The following POLN variants were observed in gnomAD, a reference collection of about 807,000 sequenced individuals.
POLN encodes DNA polymerase N.
Under a neutral mutation model 113.5 loss-of-function variants are expected in POLN, and 108 were observed. The ratio of observed to expected loss-of-function variants is 0.95; its 90% CI spans 0.81 to 1.12. The LOEUF (loss-of-function observed/expected upper bound fraction) is 1.12, where lower values mean the gene tolerates loss of function less well. Among genes scored for constraint, POLN ranks in the 50% most tolerant of loss-of-function variants. The probability of loss-of-function intolerance (pLI) is 0.00; values close to 1 mark genes in which losing one functional copy is unlikely to be tolerated. For missense variants in POLN, 1,097 were observed against 1,077.1 expected (o/e 1.02, Z -0.26); for synonymous variants, 386 against 391.5 (o/e 0.99, Z 0.17).
chr4:2,080,827 T>G (rs990709318), intron 23 of POLN, 131 bp downstream of exon 23: 34 of 1,559,400 alleles, frequency 2.2e-5, no homozygotes, highest in Non-Finnish European at 2.4e-5. Flanking sequence ...TTCCATGGGC[T>G]GAGAGCCTCA....
At chr4:2,233,818 A>G (rs1734664013) in intron 2 of POLN, among the ~76,000 whole-genome samples, 1 of 152,224 alleles carries the variant, frequency 6.6e-6, no homozygotes. Context: ...CAATTCATAA[A>G]ATGATGGCGT....
At chr4:2,100,701 G>A (rs982134666) in intron 19 of POLN, among the ~76,000 whole-genome samples, 3 of 152,170 alleles carry the variant, frequency 2.0e-5, no homozygotes, top group Admixed American at 1.3e-4. Context: ...GAAGAACAGG[G>A]AAAGGTACAC....
intron 5 of POLN, 130 bp from the exon 6 acceptor site, chr4:2,198,847 T>C: frequency 1.0e-6 from 1 of 956,048 alleles, no homozygotes; most frequent in Non-Finnish European, 1.5e-6. Flanking sequence ...AGTTTTTTAA[T>C]GACAATTGAG....
chr4:2,202,856 T>C (rs1733751851), intron 5 of POLN, among the ~76,000 whole-genome samples: 1 of 151,090 alleles, frequency 6.6e-6, no homozygotes, highest in Admixed American at 6.6e-5. Flanking sequence ...TCTAAAACAA[T>C]TAATAGACCT....
chr4:2,182,437 T>C (rs1287440867), intron 7 of POLN, among the ~76,000 whole-genome samples: 1 of 151,968 alleles, frequency 6.6e-6, no homozygotes, highest in African/African-American at 2.4e-5. Flanking sequence ...TGTCTACAAG[T>C]CAAGGAGTGA....
At chr4:2,148,553 G>C (rs1732207169) in intron 16 of POLN, among the ~76,000 whole-genome samples, 2 of 152,104 alleles carry the variant, frequency 1.3e-5, no homozygotes, top group Non-Finnish European at 2.9e-5. Context: ...TGTAATCCCA[G>C]CTACTCAGGA....
chr4:2,224,525 T>C (rs982715711), intron 3 of POLN, among the ~76,000 whole-genome samples: 2 of 152,204 alleles, frequency 1.3e-5, no homozygotes, highest in African/African-American at 2.4e-5. Context: ...CGTAGTATAG[T>C]ACAGTGTAGT....
intron 2 of POLN, 62 bp from the exon 3 acceptor site, chr4:2,229,305 A>T: frequency 7.5e-7 from 1 of 1,329,230 alleles, no homozygotes; most frequent in Non-Finnish European, 1.0e-6. Context: ...TAAAACAGGA[A>T]ATACAATTAT....
chr4:2,202,133 C>T (rs1031044046), intron 5 of POLN, among the ~76,000 whole-genome samples: 1 of 151,388 alleles, frequency 6.6e-6, no homozygotes, highest in Non-Finnish European at 1.5e-5. Context: ...CAAAACAAAA[C>T]AAAAAAAACA....
chr4:2,101,130 G>A (rs947298946), intron 19 of POLN, among the ~76,000 whole-genome samples: 1 of 151,592 alleles, frequency 6.6e-6, no homozygotes, highest in African/African-American at 2.4e-5. Context: ...GGTCCAGATT[G>A]AGTACATGCC....
At chr4:2,229,470 T>C (rs1204113497) in intron 2 of POLN, 6 of 340,386 alleles carry the variant, frequency 1.8e-5, no homozygotes, top group East Asian at 1.6e-4. Flanking sequence ...ACTTATTTTC[T>C]AGGTGACCAA....
At chr4:2,078,982 T>G in intron 23 of POLN, 1 of 941,854 alleles carries the variant, frequency 1.1e-6, no homozygotes, top group African/African-American at 1.8e-5. Flanking sequence ...CAGGCTGGAG[T>G]GCAGTGGTAT....
chr4:2,155,321 T>C (rs77334040), intron 16 of POLN, among the ~76,000 whole-genome samples: 344 of 152,296 alleles, frequency 2.3e-3, no homozygotes, highest in Non-Finnish European at 4.0e-3. Context: ...CACTCTTCGC[T>C]AGATAAAGAC....
At position 2,126,594 on chromosome 4, in the gene POLN, C is replaced by CGGAGACCAGAGAGGAGT. The variant is rs1165891627; in HGVS notation, c.1982+1502_1982+1518dup. ...GAGAGGAGCGGAGACCAGAGAGAAG[C>CGGAGACCAGAGAGGAGT]GGAGACCAGAGAGGAGTGGAGACCA... On this transcript the variant is annotated intron_variant, in intron 19 of 25. Coordinates refer to ENST00000511885, the MANE Select transcript of POLN (RefSeq NM_181808.4). This position sits in a 1 kb window ranked among gnomAD's most constrained non-coding sequence, Gnocchi z 4.6. Among the ~76,000 whole-genome samples the CGGAGACCAGAGAGGAGT allele has an allele frequency of 2.0e-5, 3 of 151,698 alleles. No homozygotes were observed. Among genetic ancestry groups the CGGAGACCAGAGAGGAGT allele is most frequent in the African/African-American group, 7.3e-5 (3 of 41,280 alleles).
chr4:2,194,959 T>C (rs1733539324), intron 6 of POLN, among the ~76,000 whole-genome samples: 1 of 151,450 alleles, frequency 6.6e-6, no homozygotes, highest in Non-Finnish European at 1.5e-5. Flanking sequence ...TATATATTTA[T>C]ATATATAAAA....
intron 3 of POLN, among the ~76,000 whole-genome samples, chr4:2,223,719 G>C (rs1734318701): frequency 1.3e-5 from 2 of 152,138 alleles, no homozygotes; most frequent in Admixed American, 1.3e-4. Flanking sequence ...GAATACTGTA[G>C]GCAACTGTAA....
rs758105667 is a variant in POLN, at chr4:2,075,534, A to G, written c.2388-15T>C. On this transcript the variant is annotated splice_polypyrimidine_tract_variant and intron_variant, in intron 23 of 25. Coordinates refer to ENST00000511885, the MANE Select transcript of POLN (RefSeq NM_181808.4). ...GGGCCACCAGCCTGGCAGGGAGGGA[A>G]GGAGTCACCCTGGGAGGCCAGGACT... is the stretch of plus-strand genomic sequence containing the variant. The G allele has an allele frequency of 6.2e-7, 1 of 1,612,210 alleles. No individual in the cohort carries two copies. The highest frequency in any genetic ancestry group is 8.5e-7 in the Non-Finnish European group (1 of 1,179,296).
intron 13 of POLN, among the ~76,000 whole-genome samples, chr4:2,161,240 G>T (rs1160050611): frequency 6.6e-6 from 1 of 152,240 alleles, no homozygotes; most frequent in Non-Finnish European, 1.5e-5. Context: ...GGCGGGAGCC[G>T]GCTCCCTCAG....
At chr4:2,171,387 T>A (rs1732857366) in intron 11 of POLN, among the ~76,000 whole-genome samples, 3 of 88,322 alleles carry the variant, frequency 3.4e-5, no homozygotes, top group African/African-American at 9.1e-5. Context: ...ACCCCACCAC[T>A]AAAAAAAAAA....
Sources: allele counts gnomAD v4.1 joint callset (sites outside exome capture counted in the v4.1 genomes callset), GRCh38; gene constraint gnomAD v4.1.1; non-coding constraint Gnocchi (gnomAD v3.1); transcripts MANE v1.5; gene names NCBI Gene and HGNC (gene_info 2026-07-23, HGNC 2026-07-21).